The following LAMB4 variants were observed in gnomAD, a reference collection of about 807,000 sequenced individuals.
LAMB4 encodes laminin subunit beta 4.
Under a neutral mutation model 199.2 loss-of-function variants are expected in LAMB4, and 196 were observed. The ratio of observed to expected loss-of-function variants is 0.98; its 90% CI spans 0.88 to 1.11. The LOEUF (loss-of-function observed/expected upper bound fraction) is 1.11, where lower values mean the gene tolerates loss of function less well. Ranked by LOEUF, LAMB4 falls within the 50% of genes least tolerant of loss-of-function variation. LAMB4 has a pLI of 0.00. For missense variants in LAMB4, 2,080 were observed against 2,171.2 expected, an observed-to-expected ratio of 0.96 and a Z score of 0.83; for synonymous variants, 744 against 770.6, an observed-to-expected ratio of 0.97 and a Z score of 0.57.
At position 108,048,107 on chromosome 7, in the gene LAMB4, C is replaced by T; in HGVS notation, c.4127G>A (p.Cys1376Tyr). 1 of 1,611,082 alleles carries T rather than the reference C, an allele frequency of 6.2e-7. No individual in the cohort carries two copies. The highest frequency in any genetic ancestry group is 8.5e-7 in the Non-Finnish European group (1 of 1,178,342). Residue 1376 changes from cysteine to tyrosine, a missense_variant, in exon 28 of 34, where the codon TGC becomes TAC. Physicochemically the swap from Cys to Tyr is radical, Grantham distance 194 (BLOSUM62 -2). Coordinates refer to ENST00000388781, the MANE Select transcript of LAMB4 (RefSeq NM_007356.3). The part of the protein sequence containing the change: ...PDIQILNEKV[C>Y]GDPGNVPCVP... ...ACATGGCACATTTCCTGGATCTCCG[C>T]ACACCTTGCAAGAGAAATGATTTAC...
At chr7:108,111,785 C>T in intron 4 of LAMB4, 26 bp downstream of exon 4, 4 of 1,598,582 alleles carry the variant, frequency 2.5e-6, no homozygotes, top group Non-Finnish European at 3.4e-6. Context: ...AAGAAATAAA[C>T]AACTGGAAAG....
chr7:108,031,048 T>G (rs1294221874), intron 31 of LAMB4, 69 bp from the exon 32 acceptor site: 1 of 1,367,294 alleles, frequency 7.3e-7, no homozygotes, highest in Non-Finnish European at 1.0e-6. Context: ...AAACGATATA[T>G]TAACCCCTTG....
At chr7:108,109,560 G>T (rs1339985351) in intron 4 of LAMB4, among the ~76,000 whole-genome samples, 1 of 152,190 alleles carries the variant, frequency 6.6e-6, no homozygotes, top group Non-Finnish European at 1.5e-5. Flanking sequence ...GAAAGAGAGG[G>T]TTCATTTCCT....
At chr7:108,038,180 CAG>C (rs1340958726) in intron 29 of LAMB4, among the ~76,000 whole-genome samples, 1 of 151,172 alleles carries the variant, frequency 6.6e-6, no homozygotes, top group Admixed American at 6.6e-5. Flanking sequence ...TTTTTTGAGA[CAG>C]AGTCTCACTC....
chr7:108,011,766 G>A, the LAMB4 span, among the ~76,000 whole-genome samples: 1 of 152,024 alleles, frequency 6.6e-6, no homozygotes, highest in Non-Finnish European at 1.5e-5. Flanking sequence ...TATGGGCCAA[G>A]CACTGCTGTA....
Position 108,024,188 on chromosome 7 carries a change from G to T in LAMB4, c.5147-10C>A. On this transcript the variant is annotated splice_polypyrimidine_tract_variant and intron_variant, in intron 33 of 33. Coordinates refer to ENST00000388781, the MANE Select transcript of LAMB4 (RefSeq NM_007356.3). ...ATTTTCCTTTCTAAATCTGAAAGAA[G>T]AAAATGAAAGAAATGATATATTTCC... is the stretch of plus-strand genomic sequence containing the variant. The T allele has an allele frequency of 1.4e-6, 2 of 1,475,748 alleles. No homozygotes were observed. The highest frequency in any genetic ancestry group is 9.2e-7 in the Non-Finnish European group (1 of 1,082,546). The allele number at this position is 1,475,748 out of a possible 1,614,324, so 91.4% of individuals were successfully genotyped here.
intron 26 of LAMB4, 120 bp from the exon 27 acceptor site, chr7:108,049,651 A>C: frequency 1.8e-6 from 1 of 562,438 alleles, no homozygotes; most frequent in South Asian, 2.4e-5. Context: ...ATCACCATAA[A>C]ATTTCAACAT....
Position 108,049,415 on chromosome 7 carries a change from T to TGAC in LAMB4, c.4032_4033insGTC (p.Thr1344_Ile1345insVal), listed in dbSNP as rs776010333. On this transcript the variant is annotated inframe_insertion, in exon 27 of 34. Transcript: ENST00000388781. Reference sequence around the variant, plus strand: ...CCTTTTGAGGTTAGTGTATCTAAGATGGTAAGTAAGTCATTCCTTGTATTT... The same window carrying TGAC: ...CCTTTTGAGGTTAGTGTATCTAAGATGACGGTAAGTAAGTCATTCCTTGTATTT... 3.1e-6 allele frequency: 5 copies of TGAC among 1,594,576 alleles called. No homozygotes were observed. The African/African-American group carries it at 6.8e-5, about 22-fold the overall frequency.
At chr7:108,092,897 C>T (rs548042926) in intron 12 of LAMB4, among the ~76,000 whole-genome samples, 26 of 152,068 alleles carry the variant, frequency 1.7e-4, no homozygotes, top group African/African-American at 5.8e-4. Context: ...GAGTGACACT[C>T]CATCTCAAAA....
At chr7:108,017,783 T>A in the LAMB4 span, among the ~76,000 whole-genome samples, 1 of 152,316 alleles carries the variant, frequency 6.6e-6, no homozygotes, top group South Asian at 2.1e-4. Flanking sequence ...CAGGTGTAAC[T>A]TACACAGTGT....
chr7:108,048,256 C>G, intron 27 of LAMB4, 145 bp from the exon 28 acceptor site: 1 of 652,040 alleles, frequency 1.5e-6, no homozygotes, highest in South Asian at 2.1e-5. Context: ...CGTTCTCCTC[C>G]TGGGTTCAAG....
In LAMB4 at chr7:108,048,105, C is replaced by T. The variant is rs773209011; in HGVS notation, c.4129G>A (p.Gly1377Arg). 1.1e-5 allele frequency: 17 copies of T among 1,611,940 alleles called. No homozygotes were observed. In the East Asian group the frequency reaches 1.1e-4, roughly 11 times the overall value. The change falls in exon 28 of 34, where the codon GGA becomes AGA. Residue 1377 changes from glycine (G) to arginine (R), a missense_variant. By Grantham distance (125) the Gly-to-Arg change is moderately radical. Transcript: ENST00000388781. Reference protein sequence around the residue: ...DIQILNEKVCGDPGNVPCVPL... With the variant: ...DIQILNEKVCRDPGNVPCVPL... Reference sequence around the variant, plus strand: ...ACACATGGCACATTTCCTGGATCTCCGCACACCTTGCAAGAGAAATGATTT... The same window carrying T: ...ACACATGGCACATTTCCTGGATCTCTGCACACCTTGCAAGAGAAATGATTT...
chr7:108,112,063 G>A, intron 3 of LAMB4, 117 bp from the exon 4 acceptor site: 1 of 744,716 alleles, frequency 1.3e-6, no homozygotes, highest in Non-Finnish European at 2.0e-6. Flanking sequence ...AAAATAAAAG[G>A]CAGAGGAAAT....
At position 108,079,602 on chromosome 7, in the gene LAMB4, T is replaced by G. The variant is rs1204770197; in HGVS notation, c.1886A>C (p.Gln629Pro). The G allele has an allele frequency of 1.9e-6, 3 of 1,602,302 alleles. No homozygotes were observed. The highest frequency in any genetic ancestry group is 2.6e-6 in the Non-Finnish European group (3 of 1,175,368). The change falls in exon 15 of 34, where the codon CAG becomes CCG. Residue 629 changes from glutamine to proline, a missense_variant and splice_region_variant. Coordinates refer to ENST00000388781, the MANE Select transcript of LAMB4 (RefSeq NM_007356.3). ...CAAAGTTGGAGAGTTAAAGGATACC[T>G]GGGTTTCATAGTGAATGGCAATGGT... ...DFTIAIHYET[Q>P]SAADWTVQIV... is the part of the protein sequence containing the mutation.
chr7:108,110,366 A>G (rs2038179069), intron 4 of LAMB4, among the ~76,000 whole-genome samples: 1 of 152,148 alleles, frequency 6.6e-6, no homozygotes, highest in Admixed American at 6.5e-5. Context: ...TTTTCTCCCA[A>G]AACTATGTCT....
At chr7:108,013,626 C>A in the LAMB4 span, among the ~76,000 whole-genome samples, 1 of 152,100 alleles carries the variant, frequency 6.6e-6, no homozygotes, top group Non-Finnish European at 1.5e-5. Flanking sequence ...CTCATGAGGA[C>A]ATTAGCATAA....
In LAMB4 at chr7:108,043,852, G is replaced by A; in HGVS notation, c.4371C>T (p.Ala1457=). Residue 1457 remains alanine (A), a synonymous_variant, in exon 29 of 34, where the codon GCC becomes GCT. Coordinates refer to ENST00000388781, the MANE Select transcript of LAMB4 (RefSeq NM_007356.3). The part of the protein sequence containing the change: ...SEQAEVSKNN[A]LQLREKLGNI... ...TTCCCAGTTTTTCCCTCAGCTGTAA[G>A]GCATTGTTTTTGGAGACTTCTGCCT... 4 of 1,608,204 alleles carry A rather than the reference G, an allele frequency of 2.5e-6. No homozygotes were observed. The highest frequency in any genetic ancestry group is 2.2e-5 in the East Asian group (1 of 44,542).
chr7:108,113,224 A>G (rs958197620), intron 3 of LAMB4, among the ~76,000 whole-genome samples: 1 of 152,094 alleles, frequency 6.6e-6, no homozygotes, highest in African/African-American at 2.4e-5. Context: ...TCACTACTTG[A>G]GGCTATATTA....
chr7:108,107,589 A>T (rs1416506457), intron 6 of LAMB4, 42 bp downstream of exon 6: 1 of 1,447,956 alleles, frequency 6.9e-7, no homozygotes, highest in East Asian at 2.4e-5. Context: ...ACTTTTTAAA[A>T]GTTTAATTTA....
Sources: gnomAD v4.1 joint callset for allele counts (sites outside exome capture counted in the v4.1 genomes callset) on GRCh38, gnomAD v4.1.1 for gene constraint, MANE v1.5 for transcripts, NCBI Gene and HGNC (gene_info 2026-07-23, HGNC 2026-07-21) for gene names.